Variants in NTM observed in about 807,000 individuals in gnomAD.
NTM encodes IgLON family member 2.
NTM carries 13 observed loss-of-function variants against 42.1 expected under a neutral mutation model. The ratio of observed to expected loss-of-function variants is 0.31; its 90% CI spans 0.20 to 0.49. The LOEUF (loss-of-function observed/expected upper bound fraction) is 0.49, where lower values mean the gene tolerates loss of function less well. Among genes scored for constraint, NTM ranks in the 20% least tolerant of loss-of-function variants. The pLI, the probability that NTM is intolerant of heterozygous loss-of-function variation, is 0.99. For missense variants in NTM, 373 were observed against 452.8 expected, an observed-to-expected ratio of 0.82 and a Z score of 1.60; for synonymous variants, 187 against 179.2, an observed-to-expected ratio of 1.04 and a Z score of -0.35.
intron 1 of NTM, chr11:131,877,924 G>A (rs900448825): frequency 2.6e-5 from 4 of 152,236 alleles, no homozygotes; most frequent in Non-Finnish European, 4.4e-5. Flanking sequence ...CCCACTGGAC[G>A]GTGTTCTCAC....
chr11:131,833,653 C>T (rs764261571), intron 1 of NTM, among the ~76,000 whole-genome samples: 1 of 152,152 alleles, frequency 6.6e-6, no homozygotes, highest in Admixed American at 6.6e-5. Flanking sequence ...GACATGAACA[C>T]ACAGTGGTCC....
At chr11:131,975,756 A>T (rs1350556074) in intron 2 of NTM, among the ~76,000 whole-genome samples, 2 of 151,998 alleles carry the variant, frequency 1.3e-5, no homozygotes, top group African/African-American at 4.8e-5. Flanking sequence ...TCCTCAGCTT[A>T]CCGCTCTTCC....
chr11:131,852,930 CCATCCATCCACCCACCCATTCATCCACT>C (rs2045730867), intron 1 of NTM, among the ~76,000 whole-genome samples: 1 of 150,590 alleles, frequency 6.6e-6, no homozygotes, highest in African/African-American at 2.4e-5. Flanking sequence ...ACCCACCCAT[CCATCCATCCACCCACCCATTCATCCACT>C]CATCCATCCA....
At position 131,763,709 on chromosome 11, in the gene NTM, C is replaced by CTT. The variant is rs557522093; in HGVS notation, c.83-147830_83-147829dup. 6.3e-3 allele frequency among the ~76,000 whole-genome samples: 450 copies of CTT among 71,268 alleles called. 18 individuals carry two copies. Among genetic ancestry groups the CTT allele is most frequent in the African/African-American group, 0.012 (221 of 17,824 alleles). 46.8% of individuals were successfully genotyped at this position (71,268 alleles called of 152,430 possible). Reference sequence around the variant, plus strand: ...CTTATCCACAGGCCCATCTCTCTCTCTTTTTTTTTTTTTTTTTTTTTTTTT... The same window carrying CTT: ...CTTATCCACAGGCCCATCTCTCTCTCTTTTTTTTTTTTTTTTTTTTTTTTTTT... On this transcript the variant is annotated intron_variant, in intron 1 of 8. Transcript: ENST00000683400.
At chr11:131,432,836 ATTCTTTTTTTTTTT>A (rs1184720710) in intron 1 of NTM, among the ~76,000 whole-genome samples, 5 of 87,390 alleles carry the variant, frequency 5.7e-5, no homozygotes, top group African/African-American at 1.8e-4. Context: ...AAGATTTAGC[ATTCTTTTTTTTTTT>A]TTTTTTTTTT....
chr11:132,330,370 C>T (rs1203665220), intron 8 of NTM, among the ~76,000 whole-genome samples, 185 bp downstream of exon 8: 1 of 152,202 alleles, frequency 6.6e-6, no homozygotes, highest in Admixed American at 6.5e-5. Context: ...ACATCCAATC[C>T]TTCCTAGGTA....
intron 1 of NTM, among the ~76,000 whole-genome samples, chr11:131,434,276 G>C (rs1263771149): frequency 6.6e-6 from 1 of 152,218 alleles, no homozygotes; most frequent in East Asian, 1.9e-4. Context: ...ATACTAGCAT[G>C]ATTTATAATC....
intron 1 of NTM, among the ~76,000 whole-genome samples, chr11:131,726,704 A>C (rs369745783): frequency 2.0e-5 from 3 of 150,838 alleles, no homozygotes; most frequent in South Asian, 4.2e-4. Flanking sequence ...CAGTCACCCC[A>C]TTGCTCTTTT....
At position 131,840,898 on chromosome 11, in the gene NTM, T is replaced by C. The variant is rs987690477; in HGVS notation, c.83-70666T>C. On this transcript the variant is annotated intron_variant, in intron 1 of 8. Coordinates refer to ENST00000683400, the MANE Select transcript of NTM (RefSeq NM_001352005.2). ...AAATCTGAGAATGATGGAGGGAATG[T>C]CAGAGGTGGAGGATGACAGAAGGTG... 2.0e-5 allele frequency among the ~76,000 whole-genome samples: 3 copies of C among 152,270 alleles called. No homozygotes were observed. In the East Asian group the frequency reaches 5.8e-4, roughly 29 times the overall value.
intron 5 of NTM, among the ~76,000 whole-genome samples, chr11:132,309,093 A>T (rs1331755273): frequency 1.3e-5 from 2 of 152,228 alleles, no homozygotes; most frequent in Admixed American, 1.3e-4. Flanking sequence ...ACCCTAGAGA[A>T]AATTCTCTTC....
chr11:131,378,060 T>C (rs1408695361), intron 1 of NTM, among the ~76,000 whole-genome samples: 3 of 152,320 alleles, frequency 2.0e-5, no homozygotes, highest in Middle Eastern at 3.4e-3. Context: ...TGCCATACCA[T>C]AGAATCACCT....
rs1203153388 is a variant in NTM, at chr11:131,681,530, T to C, written c.83-230034T>C. ...ATGTGTTTCTGTGTCTGTGTGTATGTCTCCCTGTGTATGTGAGCGTGTGTA... is the reference window on the plus strand; with the variant it reads ...ATGTGTTTCTGTGTCTGTGTGTATGCCTCCCTGTGTATGTGAGCGTGTGTA... On this transcript the variant is annotated intron_variant, in intron 1 of 8. Transcript: ENST00000683400. Among the ~76,000 whole-genome samples, 2 of 23,168 alleles carry C rather than the reference T, an allele frequency of 8.6e-5. 1 individual carries two copies. The highest frequency in any genetic ancestry group is 2.1e-4 in the Non-Finnish European group (2 of 9,590). The allele number at this position is 23,168 out of a possible 152,430, so 15.2% of individuals were successfully genotyped here.
At chr11:132,100,094 A>G (rs191076826) in intron 2 of NTM, among the ~76,000 whole-genome samples, 1 of 152,366 alleles carries the variant, frequency 6.6e-6, no homozygotes, top group East Asian at 1.9e-4. Context: ...AAACAAAAGC[A>G]GTAACTTATT....
intron 1 of NTM, among the ~76,000 whole-genome samples, chr11:131,441,495 A>G (rs1041465653): frequency 2.0e-5 from 3 of 152,194 alleles, no homozygotes; most frequent in African/African-American, 7.2e-5. Context: ...ACCACTCACA[A>G]CACTATGGAA....
chr11:131,910,807 G>A (rs1285145043), intron 1 of NTM: 1 of 983,784 alleles, frequency 1.0e-6, no homozygotes, highest in Non-Finnish European at 1.2e-6. Flanking sequence ...GCCGAGCCCC[G>A]CCGGACAGCG....
intron 1 of NTM, among the ~76,000 whole-genome samples, chr11:131,783,347 G>A (rs1174077577): frequency 6.6e-6 from 1 of 152,108 alleles, no homozygotes; most frequent in East Asian, 1.9e-4. Context: ...AGAAGAGACA[G>A]TGCGCCATAT....
intron 4 of NTM, among the ~76,000 whole-genome samples, chr11:132,266,203 T>C (rs1474466149): frequency 6.6e-6 from 1 of 152,080 alleles, no homozygotes; most frequent in East Asian, 1.9e-4. Context: ...GGGACAGGGA[T>C]TGATCACTCC....
intron 1 of NTM, among the ~76,000 whole-genome samples, chr11:131,835,914 G>A (rs2043425548): frequency 1.3e-5 from 2 of 152,140 alleles, no homozygotes; most frequent in Middle Eastern, 3.2e-3. Context: ...TCATAGAAGA[G>A]TGTCACAAAT....
intron 1 of NTM, among the ~76,000 whole-genome samples, chr11:131,702,639 T>G (rs978215878): frequency 6.6e-6 from 1 of 152,216 alleles, no homozygotes; most frequent in Non-Finnish European, 1.5e-5. Flanking sequence ...ATAGGAAGAT[T>G]AAATACTATT....
Sources: allele counts gnomAD v4.1 joint callset (sites outside exome capture counted in the v4.1 genomes callset), GRCh38; gene constraint gnomAD v4.1.1; transcripts MANE v1.5; gene names NCBI Gene and HGNC (gene_info 2026-07-23, HGNC 2026-07-21).